The following FRMD6 variants were observed in gnomAD, a reference collection of about 807,000 sequenced individuals.
FRMD6 encodes FERM domain-containing protein 6.
In FRMD6, 37 loss-of-function variants were observed where a neutral mutation model predicts 73.2. The ratio of observed to expected loss-of-function variants is 0.51; its 90% CI spans 0.39 to 0.66. FRMD6 has a LOEUF of 0.66. Ranked by LOEUF, FRMD6 falls within the 30% of genes least tolerant of loss-of-function variation. The probability of loss-of-function intolerance (pLI) is 0.00; values close to 1 mark genes in which losing one functional copy is unlikely to be tolerated. For synonymous variants in FRMD6, 273 were observed against 282.2 expected, an observed-to-expected ratio of 0.97 and a Z score of 0.33; for missense variants, 714 against 780.5, an observed-to-expected ratio of 0.91 and a Z score of 1.02.
chr14:51,715,522 G>A (rs1897190569), intron 10 of FRMD6, 23 bp downstream of exon 10: 1 of 1,559,240 alleles, frequency 6.4e-7, no homozygotes, highest in Non-Finnish European at 8.7e-7. Context: ...CTGGGGTGTG[G>A]AAGCAAATTG....
At chr14:51,418,654 G>A in the FRMD6 span, among the ~76,000 whole-genome samples, 1 of 152,246 alleles carries the variant, frequency 6.6e-6, no homozygotes, top group Non-Finnish European at 1.5e-5. Context: ...TGAGGAAGCA[G>A]TCTGTCCATT....
intron 2 of FRMD6, among the ~76,000 whole-genome samples, chr14:51,612,301 A>C (rs1161576832): frequency 6.6e-6 from 1 of 152,198 alleles, no homozygotes; most frequent in Non-Finnish European, 1.5e-5. Context: ...AAAGGATAAA[A>C]CCAGCCTCAT....
rs1457285494 is a variant in FRMD6 at position 51,665,181 on chromosome 14, T to C, written c.-147+13185T>C. Among the ~76,000 whole-genome samples, 7 of 152,330 alleles carry C rather than the reference T, an allele frequency of 4.6e-5. 1 individual carries two copies. In the East Asian group the frequency reaches 1.3e-3, roughly 29 times the overall value. On this transcript the variant is annotated intron_variant, in intron 1 of 13. Coordinates refer to ENST00000344768, the MANE Select transcript of FRMD6 (RefSeq NM_001267046.2). ...CATTAAAAAAATTGCATTTTATACC[T>C]TCTCTTGAAAAATTTGAAGGCCTGG...
At chr14:51,441,645 T>G in the FRMD6 span, among the ~76,000 whole-genome samples, 1 of 152,186 alleles carries the variant, frequency 6.6e-6, no homozygotes, top group African/African-American at 2.4e-5. Context: ...GAGAGACAGA[T>G]GGACAGAGAG....
intron 1 of FRMD6, among the ~76,000 whole-genome samples, chr14:51,514,393 G>A (rs1884500302): frequency 6.6e-6 from 1 of 152,164 alleles, no homozygotes; most frequent in African/African-American, 2.4e-5. Context: ...AATACCTAAT[G>A]CATGTGGAGC....
At chr14:51,681,578 C>G (rs751595892) in intron 1 of FRMD6, among the ~76,000 whole-genome samples, 3 of 152,146 alleles carry the variant, frequency 2.0e-5, no homozygotes, top group Non-Finnish European at 2.9e-5. Context: ...CTGTTTGGCT[C>G]CAGAGTCCAA....
intron 2 of FRMD6, among the ~76,000 whole-genome samples, chr14:51,634,962 G>C (rs1337205586): frequency 2.0e-5 from 3 of 152,152 alleles, no homozygotes; most frequent in Non-Finnish European, 4.4e-5. Flanking sequence ...TTAAGCTGCT[G>C]CTTTTTTTCT....
Position 51,720,342 on chromosome 14 carries a change from G to T in FRMD6, c.1312G>T (p.Val438Leu). 2 of 1,613,846 alleles carry T rather than the reference G, an allele frequency of 1.2e-6. No homozygotes were observed. Among genetic ancestry groups the T allele is most frequent in the African/African-American group, 1.3e-5 (1 of 75,044 alleles). The change falls in exon 11 of 14, where the codon GTG becomes TTG. Residue 438 changes from valine (V) to leucine (L), a missense_variant. By Grantham distance (32) the Val-to-Leu change is conservative. Transcript: ENST00000344768. ...TCATGGCAGCTCCCACACCTCAGGG[G>T]TGGAGAGTGGCGGCAAAGACCGGCT... ...TSHGSSHTSG[V>L]ESGGKDRLEE...
intron 1 of FRMD6, among the ~76,000 whole-genome samples, chr14:51,509,522 G>A (rs1248905293): frequency 7.6e-6 from 1 of 131,116 alleles, no homozygotes; most frequent in African/African-American, 3.0e-5. Context: ...GCGAGACTCC[G>A]TCTCAAAAAA....
chr14:51,617,418 T>G (rs959620281), intron 2 of FRMD6, among the ~76,000 whole-genome samples: 1 of 152,140 alleles, frequency 6.6e-6, no homozygotes, highest in Non-Finnish European at 1.5e-5. Context: ...TTCTTCCAGA[T>G]GCAGTGTTGC....
intron 1 of FRMD6, among the ~76,000 whole-genome samples, chr14:51,501,264 G>T (rs1241380220): frequency 6.6e-6 from 1 of 152,058 alleles, no homozygotes; most frequent in Non-Finnish European, 1.5e-5. Flanking sequence ...CAGGTTTGTT[G>T]CATAGGTAAA....
At chr14:51,471,766 A>T in the FRMD6 span, among the ~76,000 whole-genome samples, 1 of 152,214 alleles carries the variant, frequency 6.6e-6, no homozygotes, top group African/African-American at 2.4e-5. Context: ...TTTCTCTAGG[A>T]AGCCCAGCAT....
At chr14:51,641,002 G>C (rs1345183291) in intron 2 of FRMD6, among the ~76,000 whole-genome samples, 1 of 149,710 alleles carries the variant, frequency 6.7e-6, no homozygotes, top group Admixed American at 6.7e-5. Context: ...ACAGAGTCTT[G>C]CTCTGTCACC....
At chr14:51,542,041 G>A (rs78859585) in intron 1 of FRMD6, among the ~76,000 whole-genome samples, 6,920 of 152,012 alleles carry the variant, frequency 0.046, 176 homozygotes, top group Admixed American at 0.085. Context: ...CGTTACTGTG[G>A]TACTTATTAA....
chr14:51,495,270 T>C (rs958038078), intron 1 of FRMD6, among the ~76,000 whole-genome samples: 3 of 152,234 alleles, frequency 2.0e-5, no homozygotes, highest in Admixed American at 2.0e-4. Flanking sequence ...TTCATATCCA[T>C]ATTTCACCAA....
the FRMD6 span, among the ~76,000 whole-genome samples, chr14:51,469,260 A>G: frequency 6.7e-6 from 1 of 148,576 alleles, no homozygotes; most frequent in Admixed American, 6.7e-5. Flanking sequence ...TTTGTTTTTT[A>G]TTTTTATTTA....
intron 5 of FRMD6, 189 bp from the exon 6 acceptor site, chr14:51,704,560 A>T: frequency 7.4e-6 from 4 of 542,692 alleles, no homozygotes; most frequent in Non-Finnish European, 1.3e-5. Flanking sequence ...TGGGGTTCTG[A>T]CCCCCTGCAA....
At chr14:51,549,595 C>CT (rs35356416) in intron 1 of FRMD6, among the ~76,000 whole-genome samples, 32,489 of 97,228 alleles carry the variant, frequency 0.33, 7,138 homozygotes, top group East Asian at 0.44. Context: ...TTTTTTCTTT[C>CT]TTTTTTTTTT....
chr14:51,548,862 G>A (rs1367247032), intron 1 of FRMD6, among the ~76,000 whole-genome samples: 1 of 152,148 alleles, frequency 6.6e-6, no homozygotes, highest in Non-Finnish European at 1.5e-5. Context: ...AGCATCACCT[G>A]GGAGCTAATT....
Sources: gnomAD v4.1 joint callset for allele counts (sites outside exome capture counted in the v4.1 genomes callset) on GRCh38, gnomAD v4.1.1 for gene constraint, MANE v1.5 for transcripts, NCBI Gene and HGNC (gene_info 2026-07-23, HGNC 2026-07-21) for gene names.